Variants in TNIK observed in about 807,000 individuals in gnomAD.
The protein encoded by TNIK is TRAF2 and NCK interacting kinase, also known as TRAF2 and NCK-interacting protein kinase.
Under a neutral mutation model 191.3 loss-of-function variants are expected in TNIK, and 49 were observed. The ratio of observed to expected loss-of-function variants is 0.26; its 90% confidence interval spans 0.20 to 0.32. TNIK has a LOEUF of 0.32. Ranked by LOEUF, TNIK falls within the 10% of genes least tolerant of loss-of-function variation. TNIK has a pLI of 1.00. For synonymous variants in TNIK, 594 were observed against 600.9 expected (o/e 0.99, Z 0.17); for missense variants, 1,155 against 1,702.3 (o/e 0.68, Z 5.66).
chr3:171,210,654 G>C (rs1740691012), intron 4 of TNIK, among the ~76,000 whole-genome samples: 1 of 152,178 alleles, frequency 6.6e-6, no homozygotes, highest in Middle Eastern at 3.2e-3. Context: ...AGCTTGGTTA[G>C]ATCCTAGATC....
chr3:171,259,319 C>T (rs180937205), intron 2 of TNIK, among the ~76,000 whole-genome samples: 13 of 152,246 alleles, frequency 8.5e-5, no homozygotes, highest in Admixed American at 5.2e-4. Flanking sequence ...CCATTAGGAA[C>T]GCACCCACGG....
intron 2 of TNIK, among the ~76,000 whole-genome samples, chr3:171,301,238 C>G (rs932669319): frequency 6.6e-6 from 1 of 151,506 alleles, no homozygotes; most frequent in African/African-American, 2.4e-5. Flanking sequence ...TAACTGGAAT[C>G]TAACTGTGTT....
At position 171,439,268 on chromosome 3, in the gene TNIK, C is replaced by T. The variant is rs976091224; in HGVS notation, c.57+20739G>A. 2.6e-4 allele frequency among the ~76,000 whole-genome samples: 40 copies of T among 151,000 alleles called. 1 individual carries two copies. The highest frequency in any genetic ancestry group is 9.1e-4 in the African/African-American group (37 of 40,870). On this transcript the variant is annotated intron_variant, in intron 1 of 32. Coordinates refer to ENST00000436636, the MANE Select transcript of TNIK (RefSeq NM_015028.4). ...CTGAGGCAGGAGAATGGCATGAACC[C>T]GGGAGGCGGAGCTTGCAGTGAGCTG...
At chr3:171,430,611 C>T (rs1401654869) in intron 1 of TNIK, among the ~76,000 whole-genome samples, 2 of 144,368 alleles carry the variant, frequency 1.4e-5, no homozygotes, top group East Asian at 3.9e-4. Context: ...TGCATTCAGC[C>T]CTGGCCCAGA....
chr3:171,132,637 GT>G (rs1441623389), intron 15 of TNIK, among the ~76,000 whole-genome samples: 1 of 152,108 alleles, frequency 6.6e-6, no homozygotes, highest in African/African-American at 2.4e-5. Context: ...TTGTCAAATT[GT>G]TTTTTATATT....
At chr3:171,340,596 C>T (rs1240917781) in intron 2 of TNIK, among the ~76,000 whole-genome samples, 3 of 152,178 alleles carry the variant, frequency 2.0e-5, no homozygotes, top group African/African-American at 4.8e-5. Context: ...ATTATACTTA[C>T]TCGTGGACTT....
At chr3:171,096,501 G>T (rs1350159820) in intron 22 of TNIK, among the ~76,000 whole-genome samples, 1 of 151,930 alleles carries the variant, frequency 6.6e-6, no homozygotes, top group Non-Finnish European at 1.5e-5. Context: ...ACAAAATCCT[G>T]CCCCAACTCC....
chr3:171,238,231 A>C (rs1401027169), intron 2 of TNIK, among the ~76,000 whole-genome samples: 1 of 152,092 alleles, frequency 6.6e-6, no homozygotes, highest in Non-Finnish European at 1.5e-5. Context: ...ATCTTTCAAA[A>C]AAATTCATAA....
intron 2 of TNIK, among the ~76,000 whole-genome samples, chr3:171,327,543 G>A (rs1755910552): frequency 6.6e-6 from 1 of 152,096 alleles, no homozygotes; most frequent in South Asian, 2.1e-4. Context: ...CAACTCTGAG[G>A]AGGCCCTAGG....
intron 2 of TNIK, among the ~76,000 whole-genome samples, chr3:171,237,092 A>G (rs1009186132): frequency 2.5e-4 from 38 of 152,308 alleles, no homozygotes; most frequent in African/African-American, 8.9e-4. Context: ...GTTCAGAAAG[A>G]AAAAGGACCA....
intron 20 of TNIK, 97 bp downstream of exon 20, chr3:171,107,968 A>ATTT: frequency 8.1e-7 from 1 of 1,241,536 alleles, no homozygotes; most frequent in Admixed American, 2.3e-5. Flanking sequence ...AATCTCAACA[A>ATTT]TTTTTGTTTG....
chr3:171,075,791 CA>C (rs1719832349), intron 28 of TNIK, among the ~76,000 whole-genome samples: 1 of 150,598 alleles, frequency 6.6e-6, no homozygotes, highest in Non-Finnish European at 1.5e-5. Context: ...GGCTGGAGTG[CA>C]GTGGCACCAT....
chr3:171,260,571 T>C (rs1249786584), intron 2 of TNIK, among the ~76,000 whole-genome samples: 1 of 152,182 alleles, frequency 6.6e-6, no homozygotes, highest in African/African-American at 2.4e-5. Context: ...CCATAATTAA[T>C]AGCATCTTTG....
chr3:171,382,218 C>CTTTTTT lies in TNIK; in HGVS notation c.58-12539_58-12534dup, dbSNP rs63626462. On this transcript the variant is annotated intron_variant, in intron 1 of 32. Coordinates refer to ENST00000436636, the MANE Select transcript of TNIK (RefSeq NM_015028.4). ...CAGTCTCTAAGGTTGTTGAATACAT[C>CTTTTTT]TTTTTTTTTTTTTTTTTTTTTTGAG... Among the ~76,000 whole-genome samples, 308 of 99,118 alleles carry CTTTTTT rather than the reference C, an allele frequency of 3.1e-3. 9 individuals are homozygous for CTTTTTT. Among genetic ancestry groups the CTTTTTT allele is most frequent in the East Asian group, 9.1e-3 (27 of 2,978 alleles). 65.0% of individuals were successfully genotyped at this position (99,118 alleles called of 152,430 possible).
intron 2 of TNIK, among the ~76,000 whole-genome samples, chr3:171,239,859 A>G (rs1414903772): frequency 6.6e-6 from 1 of 152,156 alleles, no homozygotes; most frequent in Non-Finnish European, 1.5e-5. Flanking sequence ...AGTGCCTCTC[A>G]GAAACCTGTA....
chr3:171,108,050 G>A lies in TNIK; in HGVS notation c.2382+15C>T. Reference sequence around the variant, plus strand: ...AAATTAAGAGTTCAAAACTCTTGGAGAGAAAAGCACTCACAGCTGGTCGAC... The same window carrying A: ...AAATTAAGAGTTCAAAACTCTTGGAAAGAAAAGCACTCACAGCTGGTCGAC... On this transcript the variant is annotated intron_variant, in intron 20 of 32. Transcript: ENST00000436636. 2 of 1,554,892 alleles carry A rather than the reference G, an allele frequency of 1.3e-6. No individual in the cohort carries two copies. The highest frequency in any genetic ancestry group is 1.7e-6 in the Non-Finnish European group (2 of 1,148,482).
intron 4 of TNIK, among the ~76,000 whole-genome samples, chr3:171,203,628 C>A (rs1009497419): frequency 1.3e-5 from 2 of 152,204 alleles, no homozygotes; most frequent in African/African-American, 4.8e-5. Context: ...TTATGTGAAC[C>A]AAACTCAACA....
At chr3:171,221,580 A>G (rs755629007) in intron 3 of TNIK, among the ~76,000 whole-genome samples, 10 of 152,160 alleles carry the variant, frequency 6.6e-5, no homozygotes, top group African/African-American at 9.6e-5. Context: ...GTACTAAAAT[A>G]TAAGATTCCA....
chr3:171,181,806 C>T (rs900147669), intron 7 of TNIK, among the ~76,000 whole-genome samples: 1 of 152,174 alleles, frequency 6.6e-6, no homozygotes, highest in Non-Finnish European at 1.5e-5. Flanking sequence ...GAACTGCCTA[C>T]CTCTAGATTT....
Sources: allele counts gnomAD v4.1 joint callset (sites outside exome capture counted in the v4.1 genomes callset), GRCh38; gene constraint gnomAD v4.1.1; transcripts MANE v1.5; gene names NCBI Gene and HGNC (gene_info 2026-07-23, HGNC 2026-07-21).